Variants in ATP11A observed in about 807,000 individuals in gnomAD.
The protein encoded by ATP11A is phospholipid-transporting ATPase IH.
ATP11A carries 81 observed loss-of-function variants against 154.4 expected under a neutral mutation model. The observed-to-expected ratio is 0.52, with a 90% CI of 0.44 to 0.63. ATP11A has a LOEUF of 0.63. Among genes scored for constraint, ATP11A ranks in the 30% least tolerant of loss-of-function variants. The pLI, the probability that ATP11A is intolerant of heterozygous loss-of-function variation, is 0.00. For missense variants in ATP11A, 1,316 were observed against 1,474.3 expected, an observed-to-expected ratio of 0.89 and a Z score of 1.76; for synonymous variants, 623 against 585.9, an observed-to-expected ratio of 1.06 and a Z score of -0.91.
rs909430587 is a variant in ATP11A, at chr13:112,691,871, G to A, written c.39+1416G>A. ...GCACCTTACATCGTTTCCTGATCTC[G>A]GGGAAGCCTTAGGAAGGTCAGCCTG... On this transcript the variant is annotated intron_variant, in intron 1 of 29. Transcript: ENST00000375645. Among the ~76,000 whole-genome samples, 3 of 152,066 alleles carry A rather than the reference G, an allele frequency of 2.0e-5. No homozygotes were observed. In the South Asian group the frequency reaches 6.2e-4, roughly 32 times the overall value.
At chr13:112,729,083 G>A (rs1241584850) in intron 1 of ATP11A, among the ~76,000 whole-genome samples, 4 of 152,196 alleles carry the variant, frequency 2.6e-5, no homozygotes, top group Admixed American at 2.6e-4. Context: ...TCCAGGAAAG[G>A]ATCCTGACGT....
rs992902907 is a variant in ATP11A at position 112,838,522 on chromosome 13, G to A, written c.1705+2271G>A. ...GCCGCCCCTGCCGCGCACTCACCCC[G>A]GAGCTGGCCCTGCCACACGCTCACA... On this transcript the variant is annotated intron_variant, in intron 16 of 29. Coordinates refer to ENST00000375645, the MANE Select transcript of ATP11A (RefSeq NM_015205.3). The surrounding 1 kb of genome is among the most constrained non-coding windows in gnomAD (Gnocchi z 7.3). 1.9e-4 allele frequency among the ~76,000 whole-genome samples: 29 copies of A among 152,224 alleles called. No individual in the cohort carries two copies. Among genetic ancestry groups the A allele is most frequent in the South Asian group, 6.2e-4 (3 of 4,836 alleles).
Position 112,785,122 on chromosome 13 carries a change from C to G in ATP11A, c.40-13C>G. 1.4e-6 allele frequency: 2 copies of G among 1,458,570 alleles called. No individual in the cohort carries two copies. Among genetic ancestry groups the G allele is most frequent in the Non-Finnish European group, 9.1e-7 (1 of 1,100,646 alleles). The allele number at this position is 1,458,570 out of a possible 1,614,324, so 90.4% of individuals were successfully genotyped here. A position where few individuals can be genotyped will look rare whatever the true frequency, so the allele number is the denominator to read the frequency against. The stretch of plus-strand genomic sequence containing the variant: ...TCTGAGGCAGCTGCCTAACACCGCT[C>G]TCCTTTCCGCAGTGTGCAGGAGAAG... On this transcript the variant is annotated splice_polypyrimidine_tract_variant and intron_variant, in intron 1 of 29. Coordinates refer to ENST00000375645, the MANE Select transcript of ATP11A (RefSeq NM_015205.3). This position sits in a 1 kb window ranked among gnomAD's most constrained non-coding sequence, Gnocchi z 4.8.
chr13:112,709,013 G>C (rs1178573744), intron 1 of ATP11A, among the ~76,000 whole-genome samples: 2 of 152,176 alleles, frequency 1.3e-5, no homozygotes, highest in Non-Finnish European at 2.9e-5. Context: ...TGTGTCTGTA[G>C]GGTTCCAGGC....
At chr13:112,729,549 G>A (rs1166381033) in intron 1 of ATP11A, among the ~76,000 whole-genome samples, 1 of 151,424 alleles carries the variant, frequency 6.6e-6, no homozygotes, top group East Asian at 1.9e-4. Flanking sequence ...TTGCAGGCCC[G>A]GAGTGTCTTA....
intron 1 of ATP11A, among the ~76,000 whole-genome samples, chr13:112,726,436 C>T (rs138767688): frequency 2.3e-3 from 347 of 152,026 alleles, no homozygotes; most frequent in African/African-American, 7.3e-3. Context: ...GGAGAATGGC[C>T]GGGGGCAGTT....
chr13:112,739,647 G>A (rs1190601767), intron 1 of ATP11A, among the ~76,000 whole-genome samples: 1 of 152,172 alleles, frequency 6.6e-6, no homozygotes, highest in African/African-American at 2.4e-5. Context: ...GAAAACACGC[G>A]TCCACACGGA....
rs374542047 is a variant in ATP11A, at chr13:112,769,237, G to A, written c.40-15898G>A. ...CTCACACCCCTGAGCGTGTGCCAGG[G>A]CTGAGCTCCAAACCGGGCACAGGAC... On this transcript the variant is annotated intron_variant, in intron 1 of 29. Transcript: ENST00000375645. Among the ~76,000 whole-genome samples, 10 of 152,310 alleles carry A rather than the reference G, an allele frequency of 6.6e-5. No individual in the cohort carries two copies. The East Asian group carries it at 1.9e-3, about 29-fold the overall frequency.
intron 16 of ATP11A, among the ~76,000 whole-genome samples, chr13:112,837,595 A>G (rs1334253532): frequency 6.6e-6 from 1 of 152,130 alleles, no homozygotes; most frequent in Non-Finnish European, 1.5e-5. Flanking sequence ...CTCACTCTTC[A>G]TTGTTTCCTA....
In ATP11A at chr13:112,855,978, C is replaced by G. The variant is rs746508865; in HGVS notation, c.2311C>G (p.Pro771Ala). The G allele has an allele frequency of 9.9e-6, 16 of 1,614,090 alleles. No individual in the cohort carries two copies. The Admixed American group carries it at 2.7e-4, about 27-fold the overall frequency. Residue 771 changes from proline (P) to alanine (A), a missense_variant, in exon 20 of 30, where the codon CCT becomes GCT. This residue lies in a region of ATP11A where 876 missense variants were observed against 1,006.8 expected (regional missense o/e 0.87). Coordinates refer to ENST00000375645, the MANE Select transcript of ATP11A (RefSeq NM_015205.3). ...DGAALSLIMK[P>A]REDGSSGNYR... ...AGCTGCACTGTCTCTGATAATGAAG[C>G]CTCGAGAAGACGGGAGTTCCGGCAA... is the stretch of plus-strand genomic sequence containing the variant.
Position 112,881,898 on chromosome 13 carries a change from G to A in ATP11A, c.*32G>A. ...CAGAGCCCAGGCTACCAGAGCACCT[G>A]TCCCTCGGCCGCCTGGTACAGCTCC... On this transcript the variant is annotated 3_prime_UTR_variant, in exon 30 of 30. Transcript: ENST00000375645. 2 of 1,367,782 alleles carry A rather than the reference G, an allele frequency of 1.5e-6. No individual in the cohort carries two copies. The highest frequency in any genetic ancestry group is 2.0e-6 in the Non-Finnish European group (2 of 1,021,988). 84.7% of individuals were successfully genotyped at this position (1,367,782 alleles called of 1,614,324 possible).
At chr13:112,749,502 A>AT (rs1329799273) in intron 1 of ATP11A, among the ~76,000 whole-genome samples, 1 of 152,242 alleles carries the variant, frequency 6.6e-6, no homozygotes, top group Non-Finnish European at 1.5e-5. Context: ...AGTCTTACAG[A>AT]TAAAAATAAG....
intron 17 of ATP11A, among the ~76,000 whole-genome samples, chr13:112,849,281 A>G (rs189218668): frequency 5.3e-5 from 8 of 152,114 alleles, no homozygotes; most frequent in African/African-American, 1.7e-4. Context: ...TCTAAGGGAT[A>G]TTGTTCTACA....
rs999503106 is a variant in ATP11A, at chr13:112,883,596, G to A, written c.*1730G>A. ...TATTTGAAGTAGAGGGTAAATCAGC[G>A]GTAAGAACAGTGAACACAGTGGTTG... On this transcript the variant is annotated 3_prime_UTR_variant, in exon 30 of 30. Transcript: ENST00000375645. The A allele has an allele frequency of 1.0e-4, 16 of 160,124 alleles. No homozygotes were observed. The highest frequency in any genetic ancestry group is 2.8e-3 in the Middle Eastern group (1 of 352). 9.9% of individuals were successfully genotyped at this position (160,124 alleles called of 1,614,324 possible). A position where few individuals can be genotyped will look rare whatever the true frequency, so the allele number is the denominator to read the frequency against.
At chr13:112,846,461 TC>T (rs967437463) in intron 17 of ATP11A, among the ~76,000 whole-genome samples, 3 of 152,190 alleles carry the variant, frequency 2.0e-5, no homozygotes, top group African/African-American at 7.2e-5. Context: ...GTCTAGAAAT[TC>T]CGCCAGCGTG....
At chr13:112,791,909 C>T (rs759154110) in intron 2 of ATP11A, among the ~76,000 whole-genome samples, 3 of 152,208 alleles carry the variant, frequency 2.0e-5, no homozygotes, top group Non-Finnish European at 4.4e-5. Context: ...GAAGCCCTCA[C>T]TCAGGAACGC....
intron 1 of ATP11A, among the ~76,000 whole-genome samples, chr13:112,718,423 AAC>A (rs1197738072): frequency 1.3e-5 from 2 of 152,148 alleles, no homozygotes; most frequent in African/African-American, 4.8e-5. Flanking sequence ...GTCTGTTCCA[AAC>A]ACAGCCTAAG....
chr13:112,862,641 T>A lies in ATP11A; in HGVS notation c.2991+66T>A. ...AATAAAGCCTCCCAAGCCCATATGA[T>A]GATTTTGCCAAAGCAGAATTCAGTG... On this transcript the variant is annotated intron_variant, in intron 25 of 29. Coordinates refer to ENST00000375645, the MANE Select transcript of ATP11A (RefSeq NM_015205.3). The A allele has an allele frequency of 1.9e-6, 3 of 1,604,226 alleles. No individual in the cohort carries two copies. In the South Asian group the frequency reaches 3.3e-5, roughly 18 times the overall value.
chr13:112,696,634 G>A lies in ATP11A; in HGVS notation c.39+6179G>A, dbSNP rs932491454. Reference sequence around the variant, plus strand: ...TACCGTTTTTCTTAGGTTACCCCGCGTAGCTGGCCCGTCCTTCCTTCTCCT... The same window carrying A: ...TACCGTTTTTCTTAGGTTACCCCGCATAGCTGGCCCGTCCTTCCTTCTCCT... On this transcript the variant is annotated intron_variant, in intron 1 of 29. Transcript: ENST00000375645. The surrounding 1 kb of genome is among the most constrained non-coding windows in gnomAD (Gnocchi z 6.2). 2.6e-5 allele frequency among the ~76,000 whole-genome samples: 4 copies of A among 152,116 alleles called. No individual in the cohort carries two copies. Among genetic ancestry groups the A allele is most frequent in the African/African-American group, 9.7e-5 (4 of 41,434 alleles).
Sources: allele counts gnomAD v4.1 joint callset (sites outside exome capture counted in the v4.1 genomes callset), GRCh38; gene constraint gnomAD v4.1.1; regional missense constraint gnomAD v4.1.1; non-coding constraint Gnocchi (gnomAD v3.1); transcripts MANE v1.5; gene names NCBI Gene and HGNC (gene_info 2026-07-23, HGNC 2026-07-21).